The following CCDC88C variants were observed in gnomAD, a reference collection of about 807,000 sequenced individuals.
CCDC88C encodes the protein protein Daple.
A neutral mutation model predicts 198.8 loss-of-function variants in CCDC88C; 131 were observed. That is an observed-to-expected ratio of 0.66 (90% confidence interval 0.57 to 0.76). CCDC88C has a LOEUF of 0.76. CCDC88C is among the 30% of genes least tolerant of loss of function. The probability of loss-of-function intolerance (pLI) is 0.00; values close to 1 mark genes in which losing one functional copy is unlikely to be tolerated. For synonymous variants in CCDC88C, 1,166 were observed against 1,114.7 expected, an observed-to-expected ratio of 1.05 and a Z score of -0.92; for missense variants, 2,553 against 2,631.6, an observed-to-expected ratio of 0.97 and a Z score of 0.65.
rs1889803960 is a variant in CCDC88C at position 91,273,018 on chromosome 14, G to C, written c.5694C>G (p.Pro1898=). The change falls in exon 30 of 30, where the codon CCC becomes CCG. Residue 1898 remains proline (P), a synonymous_variant. Coordinates refer to ENST00000389857, the MANE Select transcript of CCDC88C (RefSeq NM_001080414.4). This position sits in a 1 kb window ranked among gnomAD's most constrained non-coding sequence, Gnocchi z 5.6. The part of the protein sequence containing the change: ...LAPPKEERLA[P]LHQSATAPAI... ...CGGGGGCTGTGGCAGACTGATGCAG[G>C]GGGGCCAGCCTCTCCTCCTTTGGGG... The C allele has an allele frequency of 1.9e-6, 3 of 1,554,792 alleles. No individual in the cohort carries two copies. Among genetic ancestry groups the C allele is most frequent in the Non-Finnish European group, 8.7e-7 (1 of 1,155,062 alleles).
At chr14:91,409,187 G>T (rs1362808282) in intron 2 of CCDC88C, among the ~76,000 whole-genome samples, 1 of 146,784 alleles carries the variant, frequency 6.8e-6, no homozygotes, top group Non-Finnish European at 1.5e-5. Flanking sequence ...AAAAATGGTA[G>T]TTTTTTTTTT....
intron 3 of CCDC88C, among the ~76,000 whole-genome samples, chr14:91,363,245 T>A (rs1434000754): frequency 6.6e-6 from 1 of 151,832 alleles, no homozygotes; most frequent in Non-Finnish European, 1.5e-5. Flanking sequence ...TATAATCATT[T>A]CAACCCATAA....
intron 20 of CCDC88C, 100 bp downstream of exon 20, chr14:91,303,601 G>T: frequency 1.6e-6 from 2 of 1,235,008 alleles, no homozygotes; most frequent in Non-Finnish European, 2.2e-6. Flanking sequence ...CTCTCCCCTA[G>T]GTCCCACCCA....
chr14:91,415,086 T>C (rs1886977282), intron 2 of CCDC88C, among the ~76,000 whole-genome samples: 1 of 152,174 alleles, frequency 6.6e-6, no homozygotes, highest in African/African-American at 2.4e-5. Context: ...CTGGGGATAC[T>C]GCTGGTTTTT....
At chr14:91,320,641 C>T (rs1892316280) in intron 13 of CCDC88C, among the ~76,000 whole-genome samples, 1 of 152,160 alleles carries the variant, frequency 6.6e-6, no homozygotes, top group African/African-American at 2.4e-5. Context: ...GGGACTGAGC[C>T]CTTAGGCTGC....
At chr14:91,309,826 C>G in intron 16 of CCDC88C, 33 bp downstream of exon 16, 1 of 1,590,074 alleles carries the variant, frequency 6.3e-7, no homozygotes, top group Non-Finnish European at 8.6e-7. Flanking sequence ...AGGAAGTGCT[C>G]CCACGATGGG....
intron 2 of CCDC88C, among the ~76,000 whole-genome samples, chr14:91,415,695 G>T (rs1470956511): frequency 6.6e-6 from 1 of 151,722 alleles, no homozygotes; most frequent in African/African-American, 2.4e-5. Context: ...ACTCCAGCCT[G>T]GGCAACAAGA....
intron 17 of CCDC88C, among the ~76,000 whole-genome samples, chr14:91,307,828 G>T (rs1891625955): frequency 6.6e-6 from 1 of 152,254 alleles, no homozygotes. Flanking sequence ...ATACATGTGT[G>T]TAGAGAGCAT....
chr14:91,310,357 T>C (rs1891765781), intron 15 of CCDC88C, among the ~76,000 whole-genome samples: 2 of 152,086 alleles, frequency 1.3e-5, no homozygotes, highest in African/African-American at 2.4e-5. Context: ...TGTAGACACT[T>C]TGAAACAGAA....
At chr14:91,404,141 G>A (rs1372644319) in intron 3 of CCDC88C, among the ~76,000 whole-genome samples, 1 of 152,166 alleles carries the variant, frequency 6.6e-6, no homozygotes, top group African/African-American at 2.4e-5. Context: ...ACATTGGACA[G>A]GCCAGCCTTT....
intron 3 of CCDC88C, among the ~76,000 whole-genome samples, chr14:91,397,614 G>A (rs1478559011): frequency 6.6e-6 from 1 of 152,266 alleles, no homozygotes; most frequent in Non-Finnish European, 1.5e-5. Context: ...GCTTCCTGCC[G>A]CTCTGGGGTG....
In CCDC88C at chr14:91,316,061, G is replaced by A. The variant is rs141914669; in HGVS notation, c.1528-274C>T. Reference sequence around the variant, plus strand: ...CACCGCCTGAGGCCGCCACCGCTGGGTGCCCTCGGGGGTTTCACACGCACC... The same window carrying A: ...CACCGCCTGAGGCCGCCACCGCTGGATGCCCTCGGGGGTTTCACACGCACC... On this transcript the variant is annotated intron_variant, in intron 13 of 29. Coordinates refer to ENST00000389857, the MANE Select transcript of CCDC88C (RefSeq NM_001080414.4). 3.2e-4 allele frequency among the ~76,000 whole-genome samples: 49 copies of A among 152,342 alleles called. 1 individual carries two copies. Among genetic ancestry groups the A allele is most frequent in the Non-Finnish European group, 5.9e-4 (40 of 68,036 alleles).
At chr14:91,344,561 G>C (rs1272279621) in intron 4 of CCDC88C, among the ~76,000 whole-genome samples, 1 of 149,046 alleles carries the variant, frequency 6.7e-6, no homozygotes, top group Admixed American at 6.7e-5. Flanking sequence ...GCCCAGGCTT[G>C]AGTGCAGTGG....
chr14:91,339,069 G>A lies in CCDC88C; in HGVS notation c.809+209C>T, dbSNP rs983630709. On this transcript the variant is annotated intron_variant, in intron 8 of 29. Transcript: ENST00000389857. This position sits in a 1 kb window ranked among gnomAD's most constrained non-coding sequence, Gnocchi z 5.8. The stretch of plus-strand genomic sequence containing the variant: ...TGGACGGGAGGAAACCCTGAAGACC[G>A]GGAAGAATCCCCGCCCCCATCCCTG... The A allele has an allele frequency of 5.0e-5, 33 of 659,104 alleles. No homozygotes were observed. The highest frequency in any genetic ancestry group is 3.7e-4 in the South Asian group (22 of 58,932). The allele number at this position is 659,104 out of a possible 1,614,324, so 40.8% of individuals were successfully genotyped here.
intron 4 of CCDC88C, among the ~76,000 whole-genome samples, chr14:91,344,792 C>A (rs1214863271): frequency 6.6e-6 from 1 of 151,810 alleles, no homozygotes; most frequent in Non-Finnish European, 1.5e-5. Context: ...AGCCACCGCG[C>A]CCGGCCCCTT....
At position 91,307,110 on chromosome 14, in the gene CCDC88C, C is replaced by T; in HGVS notation, c.3123G>A (p.Trp1041Ter). 6.2e-7 allele frequency: 1 copy of T among 1,613,986 alleles called. No individual in the cohort carries two copies. The highest frequency in any genetic ancestry group is 8.5e-7 in the Non-Finnish European group (1 of 1,179,888). The change falls in exon 18 of 30, where the codon TGG becomes TGA. Residue 1041 changes from tryptophan to a stop codon, truncating the protein, a stop_gained. Transcript: ENST00000389857. LOFTEE classifies it high-confidence loss of function. ...TGGTGGCTTCCTTATGGCCGGGCCC[C>T]CAGGCCTCCTTCCCCTGGTGACTGG... ...TAASHQGKEA[W>*]GPGHKEATME...
Position 91,313,203 on chromosome 14 carries a change from C to A in CCDC88C, c.2613G>T (p.Ala871=). ...KLSAVEKESR[A]LDKELARCRD... ...TGCAGCGGGCCAGCTCCTTGTCCAG[C>A]GCGCGGCTCTCCTTCTCAACGGCGG... The change falls in exon 15 of 30, where the codon GCG becomes GCT. Residue 871 remains alanine (A), a synonymous_variant. Transcript: ENST00000389857. The surrounding 1 kb of genome is among the most constrained non-coding windows in gnomAD (Gnocchi z 5.2). 8 of 1,613,908 alleles carry A rather than the reference C, an allele frequency of 5.0e-6. No homozygotes were observed. Among genetic ancestry groups the A allele is most frequent in the Middle Eastern group, 3.3e-4 (2 of 6,062 alleles).
chr14:91,288,360 A>T lies in CCDC88C; in HGVS notation c.4441+745T>A, dbSNP rs1414067544. On this transcript the variant is annotated intron_variant, in intron 25 of 29. Transcript: ENST00000389857. This position sits in a 1 kb window ranked among gnomAD's most constrained non-coding sequence, Gnocchi z 4.2. ...GACACAAGGCCAGATCAGGCTGAAG[A>T]AGTCCTAACCCACCTTTCAAAGTGG... 3.3e-5 allele frequency among the ~76,000 whole-genome samples: 5 copies of T among 152,204 alleles called. No individual in the cohort carries two copies. Among genetic ancestry groups the T allele is most frequent in the Non-Finnish European group, 1.5e-5 (1 of 68,040 alleles).
chr14:91,385,577 C>T (rs1243629806), intron 3 of CCDC88C, among the ~76,000 whole-genome samples: 9 of 152,192 alleles, frequency 5.9e-5, no homozygotes, highest in Admixed American at 2.6e-4. Flanking sequence ...ACAAGGTGGG[C>T]GGCAAGGCCA....
Sources: allele counts gnomAD v4.1 joint callset (sites outside exome capture counted in the v4.1 genomes callset), GRCh38; gene constraint gnomAD v4.1.1; non-coding constraint Gnocchi (gnomAD v3.1); transcripts MANE v1.5; gene names NCBI Gene and HGNC (gene_info 2026-07-23, HGNC 2026-07-21).